Variants in DPYD observed in about 807,000 individuals in gnomAD.
The protein encoded by DPYD is dihydropyrimidine dehydrogenase, also known as dihydropyrimidine dehydrogenase [NADP(+)].
In DPYD, 109 loss-of-function variants were observed where a neutral mutation model predicts 116.2. The observed-to-expected ratio is 0.94, with a 90% confidence interval of 0.80 to 1.10. The LOEUF is 1.10. Among genes scored for constraint, DPYD ranks in the 50% least tolerant of loss-of-function variants. DPYD has a pLI of 0.00. For missense variants in DPYD, 1,302 were observed against 1,254.5 expected (o/e 1.04, Z -0.57); for synonymous variants, 440 against 432.0 (o/e 1.02, Z -0.23).
chr1:97,616,517 T>C (rs552093312), intron 8 of DPYD, among the ~76,000 whole-genome samples: 5 of 152,314 alleles, frequency 3.3e-5, no homozygotes, highest in African/African-American at 4.8e-5. Context: ...TACTTACCTA[T>C]TGTTCACTTA....
At chr1:97,478,636 C>G (rs927277347) in intron 13 of DPYD, among the ~76,000 whole-genome samples, 4 of 152,186 alleles carry the variant, frequency 2.6e-5, no homozygotes, top group Non-Finnish European at 4.4e-5. Flanking sequence ...GGTACATGAG[C>G]ATTGGCTTCA....
At chr1:97,144,670 C>G (rs1654480384) in intron 20 of DPYD, among the ~76,000 whole-genome samples, 1 of 152,186 alleles carries the variant, frequency 6.6e-6, no homozygotes, top group Non-Finnish European at 1.5e-5. Context: ...ATGACTCCTT[C>G]TTTATACACA....
chr1:97,518,961 C>T (rs558612733), intron 12 of DPYD, among the ~76,000 whole-genome samples: 1 of 151,978 alleles, frequency 6.6e-6, no homozygotes, highest in East Asian at 1.9e-4. Context: ...TTCTGTTTAT[C>T]CATCAATCAC....
rs1327573808 is a variant in DPYD at position 97,920,941 on chromosome 1, G to T, written c.-19C>A. 1 of 1,577,864 alleles carries T rather than the reference G, an allele frequency of 6.3e-7. No homozygotes were observed. The highest frequency in any genetic ancestry group is 1.8e-5 in the Admixed American group (1 of 55,764). ...GGGCCATGGCAGTGCCTACAGTCTCGAGTCTGCCAGTGACAAACCCTCCTT... is the reference window on the plus strand; with the variant it reads ...GGGCCATGGCAGTGCCTACAGTCTCTAGTCTGCCAGTGACAAACCCTCCTT... On this transcript the variant is annotated 5_prime_UTR_variant, in exon 1 of 23. Coordinates refer to ENST00000370192, the MANE Select transcript of DPYD (RefSeq NM_000110.4).
At position 97,168,464 on chromosome 1, in the gene DPYD, T is replaced by C. The variant is rs187289297; in HGVS notation, c.2622+24605A>G. On this transcript the variant is annotated intron_variant, in intron 20 of 22. Coordinates refer to ENST00000370192, the MANE Select transcript of DPYD (RefSeq NM_000110.4). ...TGCTCTGAGGGTTAAATGAGGTAAC[T>C]GAAGTAAAGCCCACTGCAAGGTATT... is the stretch of plus-strand genomic sequence containing the variant. Among the ~76,000 whole-genome samples the C allele has an allele frequency of 3.9e-5, 6 of 152,300 alleles. No individual in the cohort carries two copies. In the East Asian group the frequency reaches 1.2e-3, roughly 29 times the overall value.
intron 11 of DPYD, among the ~76,000 whole-genome samples, chr1:97,572,924 A>G (rs529771359): frequency 6.6e-6 from 1 of 152,182 alleles, no homozygotes; most frequent in East Asian, 1.9e-4. Flanking sequence ...TATAGTAGGA[A>G]GTCATAGGAA....
intron 2 of DPYD, among the ~76,000 whole-genome samples, chr1:97,831,259 T>A (rs1669526903): frequency 6.6e-6 from 1 of 152,370 alleles, no homozygotes; most frequent in Middle Eastern, 3.4e-3. Flanking sequence ...GCAACTAACA[T>A]CTTTATCTGC....
intron 20 of DPYD, among the ~76,000 whole-genome samples, chr1:97,114,221 G>A (rs1321795351): frequency 6.6e-6 from 1 of 152,056 alleles, no homozygotes; most frequent in African/African-American, 2.4e-5. Flanking sequence ...ATTACCGTAT[G>A]TTCTTGAGTC....
chr1:97,610,478 G>A (rs1313279531), intron 8 of DPYD, among the ~76,000 whole-genome samples: 1 of 151,922 alleles, frequency 6.6e-6, no homozygotes, highest in Non-Finnish European at 1.5e-5. Context: ...GTTTGCAGTG[G>A]GAATGAAAGA....
intron 13 of DPYD, among the ~76,000 whole-genome samples, chr1:97,501,004 C>T (rs990662815): frequency 6.6e-6 from 1 of 152,040 alleles, no homozygotes; most frequent in African/African-American, 2.4e-5. Context: ...TAGTCAACAC[C>T]TCTCAGATCT....
At chr1:97,234,752 A>G in intron 19 of DPYD, 100 bp downstream of exon 19, 1 of 1,491,490 alleles carries the variant, frequency 6.7e-7, no homozygotes. Context: ...CCTCCTTTTC[A>G]AGAGGCCCAA....
At chr1:97,247,569 T>C (rs1662800516) in intron 18 of DPYD, among the ~76,000 whole-genome samples, 1 of 152,192 alleles carries the variant, frequency 6.6e-6, no homozygotes, top group South Asian at 2.1e-4. Flanking sequence ...TGAGTAGGCA[T>C]GAATTTCTAA....
intron 8 of DPYD, among the ~76,000 whole-genome samples, chr1:97,649,002 C>A (rs1033945052): frequency 6.6e-6 from 1 of 151,946 alleles, no homozygotes; most frequent in African/African-American, 2.4e-5. Flanking sequence ...TTTTGTTTTA[C>A]ATATGTTATA....
At chr1:97,437,145 C>T (rs1321643395) in intron 14 of DPYD, among the ~76,000 whole-genome samples, 3 of 151,710 alleles carry the variant, frequency 2.0e-5, no homozygotes, top group African/African-American at 7.2e-5. Context: ...ATCTATTTTG[C>T]CAAAAAGTTT....
intron 18 of DPYD, among the ~76,000 whole-genome samples, chr1:97,286,948 T>C (rs1431263553): frequency 6.6e-6 from 1 of 152,256 alleles, no homozygotes; most frequent in African/African-American, 2.4e-5. Context: ...CCCAGCTTTG[T>C]TACGTTGCTG....
chr1:97,385,003 G>T (rs1672242014), intron 14 of DPYD, among the ~76,000 whole-genome samples: 1 of 151,916 alleles, frequency 6.6e-6, no homozygotes, highest in Non-Finnish European at 1.5e-5. Context: ...TTTCAGAATT[G>T]GGGAGAAAAA....
At chr1:97,134,014 AATAT>A (rs1165027630) in intron 20 of DPYD, among the ~76,000 whole-genome samples, 363 of 18,478 alleles carry the variant, frequency 0.02, 1 homozygote, top group Non-Finnish European at 0.027. Flanking sequence ...AAAAAAAAAA[AATAT>A]ATATATATAT....
chr1:97,248,854 T>C (rs143386583), intron 18 of DPYD, among the ~76,000 whole-genome samples: 153 of 152,248 alleles, frequency 1.0e-3, no homozygotes, highest in South Asian at 2.5e-3. Flanking sequence ...GTATTCACAA[T>C]AGCACCAAAA....
intron 16 of DPYD, among the ~76,000 whole-genome samples, chr1:97,349,877 G>A (rs1670051257): frequency 6.7e-6 from 1 of 149,582 alleles, no homozygotes; most frequent in Non-Finnish European, 1.5e-5. Flanking sequence ...TGGGATGGCT[G>A]TGTCAAATGG....
Sources: allele counts gnomAD v4.1 joint callset (sites outside exome capture counted in the v4.1 genomes callset), GRCh38; gene constraint gnomAD v4.1.1; transcripts MANE v1.5; gene names NCBI Gene and HGNC (gene_info 2026-07-23, HGNC 2026-07-21).